The following CPA6 variants were observed in gnomAD, a reference collection of about 807,000 sequenced individuals.
CPA6 encodes carboxypeptidase A6.
A neutral mutation model predicts 63.3 loss-of-function variants in CPA6; 58 were observed. That is an observed-to-expected ratio of 0.92 (90% CI 0.74 to 1.14). The LOEUF is 1.14. CPA6 is among the 50% of genes most tolerant of loss of function. The pLI is 0.00. For synonymous variants in CPA6, 185 were observed against 179.0 expected (o/e 1.03, Z -0.27); for missense variants, 565 against 526.6 (o/e 1.07, Z -0.71).
At chr8:67,428,280 A>G (rs1039183784) in intron 9 of CPA6, 149 bp from the exon 10 acceptor site, 6 of 537,682 alleles carry the variant, frequency 1.1e-5, no homozygotes, top group African/African-American at 1.9e-5. Context: ...CTCTTATGTC[A>G]CACGCTACAT....
At chr8:67,453,643 A>G (rs1436687454) in intron 8 of CPA6, among the ~76,000 whole-genome samples, 2 of 152,190 alleles carry the variant, frequency 1.3e-5, no homozygotes, top group Non-Finnish European at 2.9e-5. Flanking sequence ...GCAGTCCAAC[A>G]TTAAGAGTGT....
intron 1 of CPA6, among the ~76,000 whole-genome samples, chr8:67,643,936 A>G (rs958296339): frequency 1.3e-5 from 2 of 152,146 alleles, no homozygotes; most frequent in African/African-American, 4.8e-5. Context: ...GCTTGTTATA[A>G]CAACGTGGGT....
intron 1 of CPA6, among the ~76,000 whole-genome samples, chr8:67,733,205 AAAAAAAAAAAAAAAAAAAAT>A (rs1199312632): frequency 7.6e-5 from 10 of 131,410 alleles, no homozygotes; most frequent in East Asian, 2.2e-4. Context: ...TCAAAAAAAA[AAAAAAAAAAAAAAAAAAAAT>A]AAAAAAATTT....
intron 8 of CPA6, among the ~76,000 whole-genome samples, chr8:67,458,898 ATGG>A (rs1270382325): frequency 6.6e-6 from 1 of 152,250 alleles, no homozygotes; most frequent in Non-Finnish European, 1.5e-5. Context: ...ACAGCAAATG[ATGG>A]TGAAGACGTG....
intron 3 of CPA6, among the ~76,000 whole-genome samples, chr8:67,514,903 C>T (rs921921324): frequency 3.7e-4 from 57 of 152,184 alleles, no homozygotes; most frequent in East Asian, 3.8e-4. Context: ...TGCACAGCTG[C>T]GATTCTGTTC....
rs558505622 is a variant in CPA6 at position 67,539,559 on chromosome 8, G to A, written c.193-21512C>T. Reference sequence around the variant, plus strand: ...TGTTGGCCTATCTTGCTAGGTTGGGGAAGTTCTCCTGGATAATATCCTGAA... The same window carrying A: ...TGTTGGCCTATCTTGCTAGGTTGGGAAAGTTCTCCTGGATAATATCCTGAA... On this transcript the variant is annotated intron_variant, in intron 2 of 10. Transcript: ENST00000297770. Among the ~76,000 whole-genome samples, 57 of 152,296 alleles carry A rather than the reference G, an allele frequency of 3.7e-4. 1 individual carries two copies. The South Asian group carries it at 6.4e-3, about 17-fold the overall frequency.
Position 67,675,616 on chromosome 8 carries a change from T to G in CPA6, c.117-51365A>C, listed in dbSNP as rs1156590604. Among the ~76,000 whole-genome samples, 5 of 152,138 alleles carry G rather than the reference T, an allele frequency of 3.3e-5. No individual in the cohort carries two copies. In the East Asian group the frequency reaches 9.6e-4, roughly 29 times the overall value. On this transcript the variant is annotated intron_variant, in intron 1 of 10. Transcript: ENST00000297770. Reference sequence around the variant, plus strand: ...GGACCCTTCTCCTAGGCATTTGCCTTTTAAAACAGGGTACTGCCTCAACCC... The same window carrying G: ...GGACCCTTCTCCTAGGCATTTGCCTGTTAAAACAGGGTACTGCCTCAACCC...
At chr8:67,594,643 C>T (rs151045385) in intron 2 of CPA6, among the ~76,000 whole-genome samples, 3,455 of 152,294 alleles carry the variant, frequency 0.023, 128 homozygotes, top group African/African-American at 0.079. Flanking sequence ...TCTTCCATCA[C>T]TGATACCCTT....
At chr8:67,502,942 GTAT>G (rs1461310720) in intron 6 of CPA6, among the ~76,000 whole-genome samples, 2 of 152,192 alleles carry the variant, frequency 1.3e-5, no homozygotes, top group African/African-American at 2.4e-5. Flanking sequence ...AAAAGAAAGT[GTAT>G]TCTGCTCTTG....
At chr8:67,624,820 T>C (rs570929652) in intron 1 of CPA6, among the ~76,000 whole-genome samples, 2 of 152,270 alleles carry the variant, frequency 1.3e-5, no homozygotes, top group South Asian at 4.1e-4. Context: ...CGTTAGACAC[T>C]GATGGCTGTA....
At chr8:67,429,175 C>T (rs1809964095) in intron 9 of CPA6, among the ~76,000 whole-genome samples, 1 of 152,118 alleles carries the variant, frequency 6.6e-6, no homozygotes, top group South Asian at 2.1e-4. Flanking sequence ...GGTAGAAAGT[C>T]TAAGGTGGAA....
At chr8:67,639,058 A>G (rs1815531046) in intron 1 of CPA6, among the ~76,000 whole-genome samples, 1 of 151,600 alleles carries the variant, frequency 6.6e-6, no homozygotes, top group African/African-American at 2.4e-5. Flanking sequence ...AGCCAACAAG[A>G]GCAAAAGCCA....
Position 67,510,628 on chromosome 8 carries a change from G to A in CPA6, c.432+913C>T, listed in dbSNP as rs117883073. 2.5e-3 allele frequency among the ~76,000 whole-genome samples: 386 copies of A among 152,276 alleles called. 2 individuals carry two copies. The highest frequency in any genetic ancestry group is 0.017 in the Middle Eastern group (5 of 294). ...GTTGTTATCAAGAGAACCAAAAACC[G>A]TCTTAAGAATAGAGCAGCATCTCAT... is the stretch of plus-strand genomic sequence containing the variant. On this transcript the variant is annotated intron_variant, in intron 4 of 10. Transcript: ENST00000297770.
At chr8:67,622,527 C>T (rs1815105823) in intron 2 of CPA6, among the ~76,000 whole-genome samples, 1 of 152,108 alleles carries the variant, frequency 6.6e-6, no homozygotes. Context: ...TAATGAGACA[C>T]CATGCTTGAA....
chr8:67,556,189 A>T (rs1813056080), intron 2 of CPA6, among the ~76,000 whole-genome samples: 1 of 152,182 alleles, frequency 6.6e-6, no homozygotes, highest in Admixed American at 6.5e-5. Flanking sequence ...GTGATATGGA[A>T]TAAGGGATTT....
intron 2 of CPA6, among the ~76,000 whole-genome samples, chr8:67,562,604 GGCTTTTAGGAGGTGAC>G (rs1564001710): frequency 6.6e-6 from 1 of 152,188 alleles, no homozygotes; most frequent in Non-Finnish European, 1.5e-5. Context: ...TAGGAGGTGA[GGCTTTTAGGAGGTGAC>G]GCTTTTGGGA....
intron 1 of CPA6, among the ~76,000 whole-genome samples, chr8:67,696,663 A>G (rs1396208887): frequency 6.6e-6 from 1 of 152,256 alleles, no homozygotes; most frequent in African/African-American, 2.4e-5. Context: ...TATCCATACA[A>G]TGGAATACCA....
chr8:67,647,181 T>C (rs1158156332), intron 1 of CPA6, among the ~76,000 whole-genome samples: 1 of 152,122 alleles, frequency 6.6e-6, no homozygotes, highest in Non-Finnish European at 1.5e-5. Flanking sequence ...TGAATTTACA[T>C]GACCACAGGA....
intron 5 of CPA6, among the ~76,000 whole-genome samples, chr8:67,507,992 G>T (rs1811964911): frequency 1.3e-5 from 2 of 148,532 alleles, no homozygotes; most frequent in Non-Finnish European, 3.0e-5. Context: ...GTATTCTATG[G>T]GGTGCTTTGT....
Sources: allele counts gnomAD v4.1 joint callset (sites outside exome capture counted in the v4.1 genomes callset), GRCh38; gene constraint gnomAD v4.1.1; transcripts MANE v1.5; gene names NCBI Gene and HGNC (gene_info 2026-07-23, HGNC 2026-07-21).